SLC44A5: variants seen among roughly 807,000 people sequenced by gnomAD.
The protein encoded by SLC44A5 is solute carrier family 44 member 5, also known as choline transporter-like protein 5.
Under a neutral mutation model 101.8 loss-of-function variants are expected in SLC44A5, and 57 were observed. The observed-to-expected ratio is 0.56, with a 90% CI of 0.45 to 0.70. The LOEUF (loss-of-function observed/expected upper bound fraction) is 0.70, where lower values mean the gene tolerates loss of function less well. Among genes scored for constraint, SLC44A5 ranks in the 30% least tolerant of loss-of-function variants. The probability of loss-of-function intolerance (pLI) is 0.00; values close to 1 mark genes in which losing one functional copy is unlikely to be tolerated. For synonymous variants in SLC44A5, 281 were observed against 290.9 expected (o/e 0.97, Z 0.35); for missense variants, 737 against 853.1 (o/e 0.86, Z 1.70).
At chr1:75,605,110 C>T (rs1438534315) in intron 1 of SLC44A5, among the ~76,000 whole-genome samples, 1 of 151,902 alleles carries the variant, frequency 6.6e-6, no homozygotes, top group South Asian at 2.1e-4. Context: ...AATTTGAAAG[C>T]CTGATTTTTG....
intron 2 of SLC44A5, among the ~76,000 whole-genome samples, chr1:75,460,602 G>A (rs1666444581): frequency 6.6e-6 from 1 of 152,166 alleles, no homozygotes; most frequent in Non-Finnish European, 1.5e-5. Flanking sequence ...TTATGCAGCT[G>A]TGGGACAATC....
At chr1:75,284,402 C>T (rs1652873843) in intron 5 of SLC44A5, among the ~76,000 whole-genome samples, 1 of 151,958 alleles carries the variant, frequency 6.6e-6, no homozygotes, top group South Asian at 2.1e-4. Flanking sequence ...GTTCTAGCAG[C>T]TTTTTGGATG....
intron 1 of SLC44A5, among the ~76,000 whole-genome samples, chr1:75,589,903 G>C (rs554461235): frequency 2.0e-5 from 3 of 152,148 alleles, no homozygotes; most frequent in Non-Finnish European, 2.9e-5. Context: ...CATCTCAGCA[G>C]TCTGAACTTG....
At chr1:75,540,226 C>G (rs1384001519) in intron 2 of SLC44A5, among the ~76,000 whole-genome samples, 1 of 152,196 alleles carries the variant, frequency 6.6e-6, no homozygotes, top group African/African-American at 2.4e-5. Flanking sequence ...TTAATCCTTA[C>G]CTCAGTCTGT....
intron 2 of SLC44A5, among the ~76,000 whole-genome samples, chr1:75,531,481 T>C (rs1670716732): frequency 6.6e-6 from 1 of 152,184 alleles, no homozygotes; most frequent in African/African-American, 2.4e-5. Flanking sequence ...TTTGATGTCC[T>C]AAAGCTGTGT....
chr1:75,631,212 T>C, the SLC44A5 span, among the ~76,000 whole-genome samples: 5 of 152,196 alleles, frequency 3.3e-5, no homozygotes, highest in African/African-American at 1.2e-4. Flanking sequence ...TTTAGAACCT[T>C]GACCTTTGAA....
intron 4 of SLC44A5, among the ~76,000 whole-genome samples, chr1:75,333,195 A>G (rs1337543906): frequency 6.6e-6 from 1 of 152,212 alleles, no homozygotes; most frequent in African/African-American, 2.4e-5. Context: ...ACTTTTTTAT[A>G]AAGTCTCAAA....
At chr1:75,629,728 T>C in the SLC44A5 span, among the ~76,000 whole-genome samples, 2 of 152,070 alleles carry the variant, frequency 1.3e-5, no homozygotes, top group Admixed American at 1.3e-4. Flanking sequence ...AGGATACAAA[T>C]ACAGATGAAA....
chr1:75,656,797 C>A, the SLC44A5 span, among the ~76,000 whole-genome samples: 1 of 152,052 alleles, frequency 6.6e-6, no homozygotes, highest in Non-Finnish European at 1.5e-5. Flanking sequence ...ATACAAGTAA[C>A]AAAATGGTAG....
At chr1:75,438,025 G>A (rs1029028348) in intron 2 of SLC44A5, among the ~76,000 whole-genome samples, 9 of 152,092 alleles carry the variant, frequency 5.9e-5, no homozygotes, top group Non-Finnish European at 1.0e-4. Context: ...CCCCCAGAGT[G>A]AGCCACTGTT....
Position 75,360,236 on chromosome 1 carries a change from T to C in SLC44A5, c.53-20606A>G, listed in dbSNP as rs1217540676. ...TATTTTTGGGTTCATATCAAAAAAATCCATGACCAGACAAGTGTCATGGAA... is the reference window on the plus strand; with the variant it reads ...TATTTTTGGGTTCATATCAAAAAAACCCATGACCAGACAAGTGTCATGGAA... On this transcript the variant is annotated intron_variant, in intron 3 of 23. Transcript: ENST00000370859. Among the ~76,000 whole-genome samples, 5 of 152,298 alleles carry C rather than the reference T, an allele frequency of 3.3e-5. No homozygotes were observed. The East Asian group carries it at 9.6e-4, about 29-fold the overall frequency.
intron 2 of SLC44A5, among the ~76,000 whole-genome samples, chr1:75,436,487 A>G (rs949407917): frequency 6.6e-6 from 1 of 152,152 alleles, no homozygotes; most frequent in African/African-American, 2.4e-5. Flanking sequence ...AAGATTAAAA[A>G]TTGTATACCT....
At chr1:75,383,830 G>A (rs982442624) in intron 3 of SLC44A5, among the ~76,000 whole-genome samples, 5 of 152,112 alleles carry the variant, frequency 3.3e-5, no homozygotes, top group Non-Finnish European at 7.3e-5. Context: ...CCCTCAAAGG[G>A]AAGCCCATCA....
chr1:75,467,287 A>G (rs1309873361), intron 2 of SLC44A5, among the ~76,000 whole-genome samples: 2 of 152,192 alleles, frequency 1.3e-5, no homozygotes, highest in Admixed American at 6.5e-5. Context: ...TTCAATCACT[A>G]TCAAAATACC....
chr1:75,210,515 T>C (rs1479833267), intron 23 of SLC44A5, among the ~76,000 whole-genome samples: 1 of 152,176 alleles, frequency 6.6e-6, no homozygotes, highest in African/African-American at 2.4e-5. Context: ...CCGAATCCTA[T>C]CCATTTGTCA....
intron 2 of SLC44A5, among the ~76,000 whole-genome samples, chr1:75,470,314 G>A (rs139723048): frequency 1.3e-3 from 203 of 152,258 alleles, no homozygotes; most frequent in African/African-American, 4.2e-3. Flanking sequence ...GAGCACTCAA[G>A]AGAAACCAAG....
intron 1 of SLC44A5, among the ~76,000 whole-genome samples, chr1:75,561,902 T>C (rs12048595): frequency 0.38 from 57,554 of 151,952 alleles, 11,640 homozygotes; most frequent in East Asian, 0.78. Flanking sequence ...AGTTGTACTT[T>C]TTATCAAGCC....
chr1:75,709,499 G>A, the SLC44A5 span, among the ~76,000 whole-genome samples: 6 of 152,168 alleles, frequency 3.9e-5, no homozygotes, highest in Admixed American at 3.9e-4. Flanking sequence ...AGTCTTTGAA[G>A]TATGATAGTG....
intron 2 of SLC44A5, among the ~76,000 whole-genome samples, chr1:75,441,968 C>T (rs761925841): frequency 1.2e-4 from 18 of 152,004 alleles, no homozygotes; most frequent in Non-Finnish European, 2.5e-4. Context: ...ATTTCTATAC[C>T]TAAAATGGGT....
Sources: gnomAD v4.1 joint callset for allele counts (sites outside exome capture counted in the v4.1 genomes callset) on GRCh38, gnomAD v4.1.1 for gene constraint, MANE v1.5 for transcripts, NCBI Gene and HGNC (gene_info 2026-07-23, HGNC 2026-07-21) for gene names.